Variants in CERKL observed in about 807,000 individuals in gnomAD.
The protein encoded by CERKL is ceramide kinase-like protein.
CERKL carries 61 observed loss-of-function variants against 63.4 expected under a neutral mutation model. The observed-to-expected ratio is 0.96, with a 90% CI of 0.78 to 1.19. The LOEUF is 1.19. Among genes scored for constraint, CERKL ranks in the 50% most tolerant of loss-of-function variants. The probability of loss-of-function intolerance (pLI) is 0.00; values close to 1 mark genes in which losing one functional copy is unlikely to be tolerated. For synonymous variants in CERKL, 250 were observed against 230.5 expected (o/e 1.08, Z -0.77); for missense variants, 675 against 655.5 (o/e 1.03, Z -0.33).
At chr2:181,596,252 A>C (rs149841300) in intron 2 of CERKL, among the ~76,000 whole-genome samples, 1 of 152,312 alleles carries the variant, frequency 6.6e-6, no homozygotes, top group East Asian at 1.9e-4. Flanking sequence ...TCAATGACTA[A>C]AGCAGAAATA....
intron 2 of CERKL, among the ~76,000 whole-genome samples, chr2:181,593,134 G>C (rs1049545814): frequency 6.6e-6 from 1 of 152,118 alleles, no homozygotes; most frequent in African/African-American, 2.4e-5. Context: ...TTTACAGATA[G>C]GAGACCATAG....
intron 1 of CERKL, among the ~76,000 whole-genome samples, chr2:181,616,700 A>C (rs977491561): frequency 2.0e-5 from 3 of 152,232 alleles, no homozygotes; most frequent in African/African-American, 7.2e-5. Flanking sequence ...ACTTTCAATC[A>C]TAGACAATCT....
intron 6 of CERKL, among the ~76,000 whole-genome samples, chr2:181,549,208 G>A (rs1324069582): frequency 6.6e-6 from 1 of 151,892 alleles, no homozygotes; most frequent in Non-Finnish European, 1.5e-5. Context: ...TTACCAATAG[G>A]GATAATAAAA....
At chr2:181,604,129 G>C (rs1314926392) in intron 1 of CERKL, 50 bp from the exon 2 acceptor site, 1 of 1,472,092 alleles carries the variant, frequency 6.8e-7, no homozygotes, top group African/African-American at 1.5e-5. Context: ...TTCATAGAGA[G>C]GAACAACAGA....
At chr2:181,596,044 T>C (rs776662651) in intron 2 of CERKL, among the ~76,000 whole-genome samples, 3 of 152,180 alleles carry the variant, frequency 2.0e-5, no homozygotes, top group East Asian at 3.8e-4. Context: ...TTACTGAAAA[T>C]GTTTAGAGAA....
intron 2 of CERKL, among the ~76,000 whole-genome samples, chr2:181,586,026 A>G (rs1266224598): frequency 6.6e-6 from 1 of 152,184 alleles, no homozygotes; most frequent in Non-Finnish European, 1.5e-5. Flanking sequence ...GGAAAGATGA[A>G]GCCAAGACAA....
chr2:181,617,156 G>C (rs1574502647), intron 1 of CERKL: 1 of 152,226 alleles, frequency 6.6e-6, no homozygotes, highest in Non-Finnish European at 1.5e-5. Flanking sequence ...TCATTTAACT[G>C]TTCTTGATGA....
Position 181,603,850 on chromosome 2 carries a change from C to T in CERKL, c.468G>A (p.Lys156=), listed in dbSNP as rs2105893885. ...AGGAGTACTTACCTGCCAATATTTTCTTGAACTGTCTAAACCATATGTCAC... is the reference window on the plus strand; with the variant it reads ...AGGAGTACTTACCTGCCAATATTTTTTTGAACTGTCTAAACCATATGTCAC... ...DHCDIWFRQF[K]KILAGFPNRP... Residue 156 remains lysine (K), a synonymous_variant, in exon 2 of 13, where the codon AAG becomes AAA. Transcript: ENST00000410087. 6.2e-7 allele frequency: 1 copy of T among 1,613,302 alleles called. No individual in the cohort carries two copies. Among genetic ancestry groups the T allele is most frequent in the Non-Finnish European group, 8.5e-7 (1 of 1,179,542 alleles).
intron 2 of CERKL, among the ~76,000 whole-genome samples, chr2:181,598,897 GC>G: frequency 6.7e-6 from 1 of 149,866 alleles, no homozygotes; most frequent in Non-Finnish European, 1.5e-5. Context: ...TTTAAGTCCC[GC>G]CCAACCAATA....
chr2:181,579,310 C>T (rs1684399587), intron 2 of CERKL, among the ~76,000 whole-genome samples: 1 of 151,932 alleles, frequency 6.6e-6, no homozygotes, highest in Non-Finnish European at 1.5e-5. Flanking sequence ...ACAGTATGTT[C>T]AAACTTTTTG....
intron 1 of CERKL, among the ~76,000 whole-genome samples, chr2:181,605,398 G>T (rs554443469): frequency 1.6e-4 from 24 of 152,318 alleles, no homozygotes; most frequent in Admixed American, 1.0e-3. Context: ...TACAAAGCCA[G>T]ATAAGAACTA....
chr2:181,540,879 G>C (rs1474306969), intron 11 of CERKL, among the ~76,000 whole-genome samples: 2 of 152,188 alleles, frequency 1.3e-5, no homozygotes, highest in Non-Finnish European at 2.9e-5. Flanking sequence ...AGGCAAACAG[G>C]CTATGGATGT....
Position 181,558,784 on chromosome 2 carries a change from A to G in CERKL, c.678-76T>C. 9 of 1,473,020 alleles carry G rather than the reference A, an allele frequency of 6.1e-6. No homozygotes were observed. The African/African-American group carries it at 6.9e-5, about 11-fold the overall frequency. The allele number at this position is 1,473,020 out of a possible 1,614,324, so 91.2% of individuals were successfully genotyped here. ...AATAAGTCATGAAATCTAGACTTCA[A>G]AATAGTTTACTAATTTGTAGTCTAT... On this transcript the variant is annotated intron_variant, in intron 4 of 12. Coordinates refer to ENST00000410087, the MANE Select transcript of CERKL (RefSeq NM_201548.5). This position sits in a 1 kb window ranked among gnomAD's most constrained non-coding sequence, Gnocchi z 4.2.
At chr2:181,655,910 C>A (rs1357363479) in intron 1 of CERKL, among the ~76,000 whole-genome samples, 2 of 152,160 alleles carry the variant, frequency 1.3e-5, no homozygotes, top group African/African-American at 4.8e-5. Flanking sequence ...GGGAGTATTT[C>A]TCGAGTTTGG....
intron 1 of CERKL, among the ~76,000 whole-genome samples, chr2:181,625,902 C>A (rs1368069695): frequency 6.6e-6 from 1 of 152,088 alleles, no homozygotes; most frequent in Non-Finnish European, 1.5e-5. Context: ...TTCTTTCATG[C>A]CTAAAACGCT....
At chr2:181,589,701 C>T (rs1684908864) in intron 2 of CERKL, among the ~76,000 whole-genome samples, 1 of 152,020 alleles carries the variant, frequency 6.6e-6, no homozygotes, top group Non-Finnish European at 1.5e-5. Context: ...TTCAACTATG[C>T]AAGTACTAGA....
chr2:181,536,754 ATT>A lies in CERKL; in HGVS notation c.*1428_*1429del, dbSNP rs1687128715. On this transcript the variant is annotated 3_prime_UTR_variant, in exon 13 of 13. Coordinates refer to ENST00000410087, the MANE Select transcript of CERKL (RefSeq NM_201548.5). The stretch of plus-strand genomic sequence containing the variant: ...TAAATGACTTTCTGGATTTTAAAAA[ATT>A]TCTTTAAATACAATCATTTTTGTAA... 1 of 246,334 alleles carries A rather than the reference ATT, an allele frequency of 4.1e-6. No homozygotes were observed. The highest frequency in any genetic ancestry group is 2.3e-5 in the African/African-American group (1 of 43,510). The allele number at this position is 246,334 out of a possible 1,614,324, so 15.3% of individuals were successfully genotyped here.
chr2:181,594,618 A>T (rs372441938), intron 2 of CERKL, among the ~76,000 whole-genome samples: 3 of 152,334 alleles, frequency 2.0e-5, no homozygotes, highest in African/African-American at 7.2e-5. Flanking sequence ...TGCTCCTTCC[A>T]CTGAAAAAAT....
At chr2:181,579,151 G>A (rs1365345015) in intron 2 of CERKL, among the ~76,000 whole-genome samples, 1 of 151,852 alleles carries the variant, frequency 6.6e-6, no homozygotes, top group African/African-American at 2.4e-5. Context: ...GTACTTTCTG[G>A]ATAAGTTAAT....
Sources: allele counts gnomAD v4.1 joint callset (sites outside exome capture counted in the v4.1 genomes callset), GRCh38; gene constraint gnomAD v4.1.1; non-coding constraint Gnocchi (gnomAD v3.1); transcripts MANE v1.5; gene names NCBI Gene and HGNC (gene_info 2026-07-23, HGNC 2026-07-21).